PTPRD: variants seen among roughly 807,000 people sequenced by gnomAD.
PTPRD encodes the protein protein tyrosine phosphatase receptor type D, also known as receptor-type tyrosine-protein phosphatase delta.
PTPRD carries 34 observed loss-of-function variants against 214.5 expected under a neutral mutation model. That is an observed-to-expected ratio of 0.16 (90% CI 0.12 to 0.21). The LOEUF is 0.21. PTPRD is among the 10% of genes least tolerant of loss of function. PTPRD has a pLI of 1.00. For synonymous variants in PTPRD, 1,128 were observed against 845.7 expected (o/e 1.33, Z -5.79); for missense variants, 2,545 against 2,398.7 (o/e 1.06, Z -1.27).
intron 7 of PTPRD, among the ~76,000 whole-genome samples, chr9:9,701,637 T>C (rs1353501581): frequency 6.6e-6 from 1 of 152,174 alleles, no homozygotes; most frequent in African/African-American, 2.4e-5. Flanking sequence ...TGAAAGACCT[T>C]GCAGAGGAAA....
chr9:10,067,933 A>C (rs564829550), intron 3 of PTPRD, among the ~76,000 whole-genome samples: 2 of 151,988 alleles, frequency 1.3e-5, no homozygotes, highest in African/African-American at 4.8e-5. Flanking sequence ...ATGTTACTGA[A>C]CCTGAAGTTG....
At chr9:8,592,835 A>G (rs1034262998) in intron 14 of PTPRD, among the ~76,000 whole-genome samples, 9 of 152,260 alleles carry the variant, frequency 5.9e-5, no homozygotes, top group Non-Finnish European at 1.3e-4. Context: ...CAACGAGAAG[A>G]TAACTAACTT....
intron 11 of PTPRD, among the ~76,000 whole-genome samples, chr9:8,824,135 C>A (rs1053442175): frequency 2.0e-5 from 3 of 152,154 alleles, no homozygotes; most frequent in Non-Finnish European, 4.4e-5. Flanking sequence ...GCAAGGTTTT[C>A]ATGGCCTGTA....
rs372596491 is a variant in PTPRD, at chr9:9,842,733, C to A, written c.-367-75882G>T. Among the ~76,000 whole-genome samples, 27 of 149,674 alleles carry A rather than the reference C, an allele frequency of 1.8e-4. 1 individual carries two copies. The highest frequency in any genetic ancestry group is 1.8e-3 in the East Asian group (9 of 5,056). On this transcript the variant is annotated intron_variant, in intron 5 of 45. Transcript: ENST00000381196. ...CATTGGCTTTACCTTGGACAGGATT[C>A]ATCAGTGTTGTGCTTCATACACCAG...
intron 9 of PTPRD, among the ~76,000 whole-genome samples, chr9:9,212,245 T>G (rs1020907207): frequency 6.6e-6 from 1 of 152,166 alleles, no homozygotes; most frequent in African/African-American, 2.4e-5. Flanking sequence ...GAAAACAGAT[T>G]TAAATTTGAC....
At chr9:8,984,647 T>C (rs4380999) in intron 11 of PTPRD, among the ~76,000 whole-genome samples, 47,530 of 151,840 alleles carry the variant, frequency 0.31, 8,421 homozygotes, top group Non-Finnish European at 0.39. Context: ...ATTCAGTCAG[T>C]TGGCAAGTTA....
At chr9:8,624,479 C>G (rs914266457) in intron 14 of PTPRD, among the ~76,000 whole-genome samples, 1 of 151,832 alleles carries the variant, frequency 6.6e-6, no homozygotes, top group African/African-American at 2.4e-5. Flanking sequence ...TACTATGTGC[C>G]TAGCACTATT....
intron 10 of PTPRD, among the ~76,000 whole-genome samples, chr9:9,125,575 A>T (rs980638781): frequency 1.1e-4 from 16 of 152,318 alleles, no homozygotes; most frequent in South Asian, 6.2e-4. Flanking sequence ...GTTTCACAAC[A>T]GGTAGCAAGA....
chr9:8,750,589 A>G (rs963168706), intron 11 of PTPRD, among the ~76,000 whole-genome samples: 2 of 152,196 alleles, frequency 1.3e-5, no homozygotes, highest in Admixed American at 6.5e-5. Context: ...AAAGGACCCT[A>G]GAGAAGGGTG....
chr9:9,913,400 GA>G (rs898044037), intron 5 of PTPRD, among the ~76,000 whole-genome samples: 7 of 149,814 alleles, frequency 4.7e-5, no homozygotes, highest in African/African-American at 1.2e-4. Flanking sequence ...ATCAAATAGG[GA>G]AAAAAAAACA....
chr9:8,489,462 G>A (rs1359120305), intron 27 of PTPRD, among the ~76,000 whole-genome samples: 1 of 152,140 alleles, frequency 6.6e-6, no homozygotes, highest in Admixed American at 6.5e-5. Flanking sequence ...TACTAAGCCT[G>A]AAAACTATGA....
chr9:9,183,733 C>T (rs1269657055), intron 9 of PTPRD, among the ~76,000 whole-genome samples: 1 of 152,106 alleles, frequency 6.6e-6, no homozygotes, highest in East Asian at 1.9e-4. Flanking sequence ...TTACATAATA[C>T]ATTTCAGAAT....
intron 2 of PTPRD, among the ~76,000 whole-genome samples, chr9:10,431,621 C>T (rs576951298): frequency 4.3e-4 from 65 of 151,914 alleles, no homozygotes; most frequent in Admixed American, 1.6e-3. Flanking sequence ...AAAAAGTGGG[C>T]GAAGGACATG....
At chr9:10,508,353 G>A (rs1481438185) in intron 2 of PTPRD, among the ~76,000 whole-genome samples, 2 of 152,158 alleles carry the variant, frequency 1.3e-5, no homozygotes, top group East Asian at 3.9e-4. Flanking sequence ...TGGTGGGACT[G>A]TAAACTAGTT....
At chr9:9,112,309 T>C (rs973288078) in intron 10 of PTPRD, among the ~76,000 whole-genome samples, 1 of 152,166 alleles carries the variant, frequency 6.6e-6, no homozygotes, top group South Asian at 2.1e-4. Context: ...TCTGGATGAC[T>C]GTTTTAGAGG....
intron 5 of PTPRD, among the ~76,000 whole-genome samples, chr9:9,817,167 A>C (rs1200151857): frequency 6.6e-5 from 10 of 152,222 alleles, no homozygotes; most frequent in African/African-American, 2.4e-4. Context: ...AAATAAAACA[A>C]ATTTTAAATT....
intron 2 of PTPRD, among the ~76,000 whole-genome samples, chr9:10,562,012 G>C (rs924708680): frequency 7.2e-5 from 11 of 152,054 alleles, no homozygotes; most frequent in African/African-American, 2.7e-4. Context: ...GGCTACATTT[G>C]TAAGTAATGA....
intron 9 of PTPRD, among the ~76,000 whole-genome samples, chr9:9,279,418 G>T (rs1171365124): frequency 1.3e-5 from 2 of 149,206 alleles, no homozygotes; most frequent in Non-Finnish European, 3.0e-5. Context: ...AATGCATTCG[G>T]TGCTACTGGT....
chr9:9,479,622 A>G (rs2095309756), intron 8 of PTPRD, among the ~76,000 whole-genome samples: 1 of 152,200 alleles, frequency 6.6e-6, no homozygotes, highest in Non-Finnish European at 1.5e-5. Flanking sequence ...AAGTATTATT[A>G]GATACCATTC....
Sources: allele counts gnomAD v4.1 joint callset (sites outside exome capture counted in the v4.1 genomes callset), GRCh38; gene constraint gnomAD v4.1.1; transcripts MANE v1.5; gene names NCBI Gene and HGNC (gene_info 2026-07-23, HGNC 2026-07-21).